The following SLC12A8 variants were observed in gnomAD, a reference collection of about 807,000 sequenced individuals.
SLC12A8 encodes the protein cation-chloride cotransporter 9.
In SLC12A8, 69 loss-of-function variants were observed where a neutral mutation model predicts 75.6. The observed-to-expected ratio is 0.91, with a 90% CI of 0.75 to 1.11. SLC12A8 has a LOEUF of 1.11. SLC12A8 is among the 50% of genes most tolerant of loss of function. The probability of loss-of-function intolerance (pLI) is 0.00; values close to 1 mark genes in which losing one functional copy is unlikely to be tolerated. For synonymous variants in SLC12A8, 365 were observed against 372.8 expected (o/e 0.98, Z 0.24); for missense variants, 877 against 896.7 (o/e 0.98, Z 0.28).
At chr3:125,168,286 A>C (rs1934334493) in intron 5 of SLC12A8, among the ~76,000 whole-genome samples, 1 of 152,210 alleles carries the variant, frequency 6.6e-6, no homozygotes, top group Non-Finnish European at 1.5e-5. Context: ...TAAGCTGATT[A>C]TTGGCTTGTT....
intron 5 of SLC12A8, among the ~76,000 whole-genome samples, chr3:125,153,767 C>A (rs551468803): frequency 1.1e-3 from 167 of 152,246 alleles, no homozygotes; most frequent in Non-Finnish European, 1.3e-3. Flanking sequence ...CCAGGAGAAT[C>A]TTGTGATGCT....
rs185686778 is a variant in SLC12A8 at position 125,201,512 on chromosome 3, T to C, written c.51+9787A>G. ...CATCAAAGCCGGGTGAGGTGGCTGA[T>C]ACCTGTAATCCCAGTACTTTGGGAG... On this transcript the variant is annotated intron_variant, in intron 2 of 13. Coordinates refer to ENST00000469902, the MANE Select transcript of SLC12A8 (RefSeq NM_024628.6). 5.5e-4 allele frequency among the ~76,000 whole-genome samples: 83 copies of C among 152,196 alleles called. 1 individual carries two copies. The highest frequency in any genetic ancestry group is 1.4e-3 in the African/African-American group (60 of 41,546).
intron 4 of SLC12A8, among the ~76,000 whole-genome samples, chr3:125,184,968 A>G (rs1220115378): frequency 6.6e-6 from 1 of 152,236 alleles, no homozygotes; most frequent in Non-Finnish European, 1.5e-5. Context: ...AATAAAAAGG[A>G]CTATAAGAAA....
At chr3:125,174,456 A>G (rs1231880179) in intron 5 of SLC12A8, among the ~76,000 whole-genome samples, 3 of 152,226 alleles carry the variant, frequency 2.0e-5, no homozygotes, top group Non-Finnish European at 4.4e-5. Context: ...GTCTTACCAC[A>G]TGCTCCAACA....
chr3:125,148,522 C>T (rs541016606), intron 5 of SLC12A8, among the ~76,000 whole-genome samples: 135 of 151,822 alleles, frequency 8.9e-4, no homozygotes, highest in African/African-American at 3.2e-3. Context: ...GGGGGGCCCA[C>T]GTGGGTCCTT....
At chr3:125,190,297 C>A (rs1934884073) in intron 3 of SLC12A8, 78 bp downstream of exon 3, 5 of 1,510,986 alleles carry the variant, frequency 3.3e-6, no homozygotes. Flanking sequence ...CTGTGGCCTG[C>A]ACTGTAGAAT....
intron 13 of SLC12A8, 166 bp downstream of exon 13, chr3:125,088,144 G>A: frequency 1.6e-6 from 1 of 616,778 alleles, no homozygotes; most frequent in South Asian, 2.1e-5. Flanking sequence ...GCCGAGTGTG[G>A]TGGAGTGCAC....
intron 10 of SLC12A8, among the ~76,000 whole-genome samples, chr3:125,095,632 G>T (rs1029681724): frequency 5.9e-5 from 9 of 152,194 alleles, no homozygotes; most frequent in African/African-American, 2.2e-4. Context: ...GTCTTTAAGA[G>T]AATGTGTGCC....
chr3:125,087,597 T>C (rs917062219), intron 13 of SLC12A8, among the ~76,000 whole-genome samples: 2 of 152,078 alleles, frequency 1.3e-5, no homozygotes, highest in African/African-American at 4.8e-5. Flanking sequence ...TCTGCCTGGA[T>C]TTTCCTAGCC....
chr3:125,147,252 C>T (rs1933799747), intron 5 of SLC12A8, among the ~76,000 whole-genome samples: 1 of 152,204 alleles, frequency 6.6e-6, no homozygotes. Flanking sequence ...TGCGGTGCCA[C>T]TAAATGAGAG....
At chr3:125,171,031 T>C (rs558514070) in intron 5 of SLC12A8, among the ~76,000 whole-genome samples, 27 of 152,366 alleles carry the variant, frequency 1.8e-4, no homozygotes, top group African/African-American at 6.3e-4. Flanking sequence ...TGTCACTTGA[T>C]AAATTTCAGG....
chr3:125,124,616 G>A (rs537946407), intron 6 of SLC12A8, among the ~76,000 whole-genome samples: 4 of 152,092 alleles, frequency 2.6e-5, no homozygotes, highest in South Asian at 2.1e-4. Flanking sequence ...ATGAGCCACC[G>A]TGCCTGGCCT....
intron 3 of SLC12A8, among the ~76,000 whole-genome samples, chr3:125,189,782 G>A (rs1934871935): frequency 6.6e-6 from 1 of 152,186 alleles, no homozygotes. Context: ...CCTGCCCCAG[G>A]CACACATCTG....
In SLC12A8 at chr3:125,083,646, C is replaced by T. The variant is rs190854085; in HGVS notation, c.*244G>A. On this transcript the variant is annotated 3_prime_UTR_variant, in exon 14 of 14. Transcript: ENST00000469902. ...CTGAGGCAGGAGAATTGCTTGAACT[C>T]GGGAAGCAGAGGTTGCAGTGAGCCA... is the stretch of plus-strand genomic sequence containing the variant. 206 of 378,768 alleles carry T rather than the reference C, an allele frequency of 5.4e-4. 3 individuals are homozygous for T. In the Middle Eastern group the frequency reaches 7.6e-3, roughly 14 times the overall value. The allele number at this position is 378,768 out of a possible 1,614,324, so 23.5% of individuals were successfully genotyped here. A position where few individuals can be genotyped will look rare whatever the true frequency, so the allele number is the denominator to read the frequency against.
intron 2 of SLC12A8, among the ~76,000 whole-genome samples, chr3:125,198,267 A>AAC (rs1553796764): frequency 6.7e-6 from 1 of 148,754 alleles, no homozygotes; most frequent in East Asian, 1.9e-4. Flanking sequence ...AAAAAAAAAA[A>AAC]AACAAAACAG....
At chr3:125,188,875 G>A (rs534470896) in intron 3 of SLC12A8, among the ~76,000 whole-genome samples, 52 of 152,352 alleles carry the variant, frequency 3.4e-4, no homozygotes, top group Non-Finnish European at 5.3e-4. Context: ...GGATCTGAGT[G>A]TGGTGTAGAA....
intron 5 of SLC12A8, among the ~76,000 whole-genome samples, chr3:125,173,511 C>T (rs539484041): frequency 4.2e-5 from 6 of 141,350 alleles, no homozygotes; most frequent in African/African-American, 2.6e-5. Context: ...ACACCCTTCA[C>T]AAAATATTAA....
chr3:125,193,943 A>G (rs1311363815), intron 2 of SLC12A8, among the ~76,000 whole-genome samples: 1 of 152,234 alleles, frequency 6.6e-6, no homozygotes, highest in Non-Finnish European at 1.5e-5. Context: ...CTAGTGTCCC[A>G]GATTTGGGCC....
chr3:125,190,814 G>T (rs1036075720), intron 2 of SLC12A8, among the ~76,000 whole-genome samples: 36 of 152,192 alleles, frequency 2.4e-4, no homozygotes, highest in African/African-American at 8.0e-4. Context: ...CTTTTCCTCT[G>T]GTCATCACTC....
Sources: allele counts gnomAD v4.1 joint callset (sites outside exome capture counted in the v4.1 genomes callset), GRCh38; gene constraint gnomAD v4.1.1; transcripts MANE v1.5; gene names NCBI Gene and HGNC (gene_info 2026-07-23, HGNC 2026-07-21).